Variants in DERA observed in about 807,000 individuals in gnomAD.
DERA encodes 2-deoxy-D-ribose 5-phosphate aldolase.
Under a neutral mutation model 41.1 loss-of-function variants are expected in DERA, and 15 were observed. The ratio of observed to expected loss-of-function variants is 0.37; its 90% CI spans 0.24 to 0.56. The LOEUF (loss-of-function observed/expected upper bound fraction) is 0.56, where lower values mean the gene tolerates loss of function less well. DERA is among the 20% of genes least tolerant of loss of function. The pLI, the probability that DERA is intolerant of heterozygous loss-of-function variation, is 0.81. For synonymous variants in DERA, 139 were observed against 137.4 expected (o/e 1.01, Z -0.08); for missense variants, 396 against 403.4 (o/e 0.98, Z 0.16).
Position 16,004,160 on chromosome 12 carries a change from C to G in DERA, c.637+21724C>G, listed in dbSNP as rs1948894227. On this transcript the variant is annotated intron_variant, in intron 6 of 8. Coordinates refer to ENST00000428559, the MANE Select transcript of DERA (RefSeq NM_015954.4). The surrounding 1 kb of genome is among the most constrained non-coding windows in gnomAD (Gnocchi z 4.2). ...GTTGGAGAATGGCATTACTAAACTGCTCAATTTAATAATTAGAGGTAGAAA... is the reference window on the plus strand; with the variant it reads ...GTTGGAGAATGGCATTACTAAACTGGTCAATTTAATAATTAGAGGTAGAAA... 6.6e-6 allele frequency among the ~76,000 whole-genome samples: 1 copy of G among 152,144 alleles called. No individual in the cohort carries two copies. Among genetic ancestry groups the G allele is most frequent in the Non-Finnish European group, 1.5e-5 (1 of 68,032 alleles).
chr12:16,000,612 G>A lies in DERA; in HGVS notation c.637+18176G>A, dbSNP rs1298305646. On this transcript the variant is annotated intron_variant, in intron 6 of 8. Coordinates refer to ENST00000428559, the MANE Select transcript of DERA (RefSeq NM_015954.4). This position sits in a 1 kb window ranked among gnomAD's most constrained non-coding sequence, Gnocchi z 4.8. ...CCTATGTTACGCGGCTGCTAAATTGGCCAGGGACAACGGAGGAGGAACTGA... is the reference window on the plus strand; with the variant it reads ...CCTATGTTACGCGGCTGCTAAATTGACCAGGGACAACGGAGGAGGAACTGA... 6.6e-6 allele frequency among the ~76,000 whole-genome samples: 1 copy of A among 152,142 alleles called. No homozygotes were observed.
rs923801622 is a variant in DERA at position 16,003,663 on chromosome 12, G to A, written c.637+21227G>A. ...GGGTTGATGTAAGAAAAACAGGTGA[G>A]TTTGCATTTGTTGGGGGAGCGCCAG... is the stretch of plus-strand genomic sequence containing the variant. On this transcript the variant is annotated intron_variant, in intron 6 of 8. Transcript: ENST00000428559. This position sits in a 1 kb window ranked among gnomAD's most constrained non-coding sequence, Gnocchi z 4.8. Among the ~76,000 whole-genome samples, 1 of 152,112 alleles carries A rather than the reference G, an allele frequency of 6.6e-6. No homozygotes were observed. The highest frequency in any genetic ancestry group is 1.5e-5 in the Non-Finnish European group (1 of 68,022).
At position 15,959,751 on chromosome 12, in the gene DERA, G is replaced by A. The variant is rs1948568622; in HGVS notation, c.278-78G>A. 4.2e-6 allele frequency: 4 copies of A among 945,936 alleles called. No homozygotes were observed. Among genetic ancestry groups the A allele is most frequent in the East Asian group, 2.7e-5 (1 of 36,980 alleles). 58.6% of individuals were successfully genotyped at this position (945,936 alleles called of 1,614,324 possible). On this transcript the variant is annotated intron_variant, in intron 3 of 8. Coordinates refer to ENST00000428559, the MANE Select transcript of DERA (RefSeq NM_015954.4). The surrounding 1 kb of genome is among the most constrained non-coding windows in gnomAD (Gnocchi z 4.5). The stretch of plus-strand genomic sequence containing the variant: ...CTCATTTGATTTTTGCCAGTGTTGC[G>A]ATATAAATAATAATTAAAAGCATGT...
rs1342342410 is a variant in DERA at position 15,935,772 on chromosome 12, T to C, written c.32-21164T>C. Among the ~76,000 whole-genome samples the C allele has an allele frequency of 1.3e-5, 2 of 152,204 alleles. No individual in the cohort carries two copies. Among genetic ancestry groups the C allele is most frequent in the African/African-American group, 4.8e-5 (2 of 41,452 alleles). ...TATATTACTCCAAAATTTAGGGGCC[T>C]GAAACAATAAGCATTTATTATCTCA... On this transcript the variant is annotated intron_variant, in intron 1 of 8. Coordinates refer to ENST00000428559, the MANE Select transcript of DERA (RefSeq NM_015954.4). This position sits in a 1 kb window ranked among gnomAD's most constrained non-coding sequence, Gnocchi z 4.8.
rs551381850 is a variant in DERA, at chr12:15,912,181, T to A, written c.31+767T>A. Among the ~76,000 whole-genome samples the A allele has an allele frequency of 1.2e-3, 184 of 152,224 alleles. 2 individuals carry two copies. The highest frequency in any genetic ancestry group is 4.4e-3 in the African/African-American group (183 of 41,518). On this transcript the variant is annotated intron_variant, in intron 1 of 8. Coordinates refer to ENST00000428559, the MANE Select transcript of DERA (RefSeq NM_015954.4). Reference sequence around the variant, plus strand: ...ACCCTGCGGCCTTCCGCAGTGTTTGTGTCCCTGGGTACTTAAGATTAGGGA... The same window carrying A: ...ACCCTGCGGCCTTCCGCAGTGTTTGAGTCCCTGGGTACTTAAGATTAGGGA...
intron 1 of DERA, among the ~76,000 whole-genome samples, chr12:15,927,211 A>C (rs917805383): frequency 4.6e-5 from 7 of 152,196 alleles, no homozygotes; most frequent in African/African-American, 1.7e-4. Flanking sequence ...ATTACTTAGA[A>C]CATGCTAGGC....
At chr12:15,916,611 C>T (rs1338653832) in intron 1 of DERA, among the ~76,000 whole-genome samples, 1 of 151,938 alleles carries the variant, frequency 6.6e-6, no homozygotes, top group Non-Finnish European at 1.5e-5. Flanking sequence ...CCACCATGCC[C>T]AGCTAGTTTT....
rs1948372568 is a variant in DERA, at chr12:15,936,957, TG to T, written c.32-19978del. Among the ~76,000 whole-genome samples, 1 of 143,978 alleles carries T rather than the reference TG, an allele frequency of 6.9e-6. No homozygotes were observed. The highest frequency in any genetic ancestry group is 2.7e-5 in the African/African-American group (1 of 37,022). The allele number at this position is 143,978 out of a possible 152,430, so 94.5% of individuals were successfully genotyped here. A position where few individuals can be genotyped will look rare whatever the true frequency, so the allele number is the denominator to read the frequency against. Reference sequence around the variant, plus strand: ...TGTCTTGTCCTGTCCCGTCCTGTCCTGCCCTGCCCTGCCCTGTCTTGTCTTT... The same window carrying T: ...TGTCTTGTCCTGTCCCGTCCTGTCCTCCCTGCCCTGCCCTGTCTTGTCTTT... On this transcript the variant is annotated intron_variant, in intron 1 of 8. Coordinates refer to ENST00000428559, the MANE Select transcript of DERA (RefSeq NM_015954.4). This position sits in a 1 kb window ranked among gnomAD's most constrained non-coding sequence, Gnocchi z 4.6.
In DERA at chr12:16,020,871, G is replaced by A. The variant is rs184371031; in HGVS notation, c.638-11671G>A. On this transcript the variant is annotated intron_variant, in intron 6 of 8. Transcript: ENST00000428559. The surrounding 1 kb of genome is among the most constrained non-coding windows in gnomAD (Gnocchi z 5.5). ...TTGAATTTAAGGGTGATGAACTAGG[G>A]TATCTGGAGGAAGAAATTTCTAAGC... Among the ~76,000 whole-genome samples the A allele has an allele frequency of 5.1e-4, 77 of 152,278 alleles. No homozygotes were observed. Among genetic ancestry groups the A allele is most frequent in the African/African-American group, 1.7e-3 (72 of 41,558 alleles).
chr12:15,917,296 G>A (rs1223215720), intron 1 of DERA, among the ~76,000 whole-genome samples: 1 of 152,214 alleles, frequency 6.6e-6, no homozygotes, highest in Non-Finnish European at 1.5e-5. Flanking sequence ...CAGGTGGTAA[G>A]AGAATTTAAA....
chr12:16,016,226 A>C (rs1208013204), intron 6 of DERA, among the ~76,000 whole-genome samples: 4 of 152,150 alleles, frequency 2.6e-5, no homozygotes, highest in Admixed American at 1.3e-4. Flanking sequence ...ATATTGCTCC[A>C]AATCAGAGCC....
At chr12:15,925,967 C>A (rs1948279774) in intron 1 of DERA, among the ~76,000 whole-genome samples, 1 of 151,464 alleles carries the variant, frequency 6.6e-6, no homozygotes, top group South Asian at 2.1e-4. Context: ...ATTAGAGGCG[C>A]CCACCATCAC....
In DERA at chr12:16,008,190, C is replaced by T. The variant is rs967167045; in HGVS notation, c.638-24352C>T. ...TTCTTTTTCTCTGTTTCTTCAGCAA[C>T]GTGCAGACACATTGGTGTACAGATG... On this transcript the variant is annotated intron_variant, in intron 6 of 8. Coordinates refer to ENST00000428559, the MANE Select transcript of DERA (RefSeq NM_015954.4). This position sits in a 1 kb window ranked among gnomAD's most constrained non-coding sequence, Gnocchi z 4.8. 2.6e-5 allele frequency among the ~76,000 whole-genome samples: 4 copies of T among 152,212 alleles called. No individual in the cohort carries two copies. The highest frequency in any genetic ancestry group is 7.2e-5 in the African/African-American group (3 of 41,456).
In DERA at chr12:15,994,675, G is replaced by C. The variant is rs373119764; in HGVS notation, c.637+12239G>C. Reference sequence around the variant, plus strand: ...TCACCATGTTAGCCAGCATGGTCTCGATCTCCTGACCTCGCGATCCACCCA... The same window carrying C: ...TCACCATGTTAGCCAGCATGGTCTCCATCTCCTGACCTCGCGATCCACCCA... On this transcript the variant is annotated intron_variant, in intron 6 of 8. Coordinates refer to ENST00000428559, the MANE Select transcript of DERA (RefSeq NM_015954.4). This position sits in a 1 kb window ranked among gnomAD's most constrained non-coding sequence, Gnocchi z 4.8. Among the ~76,000 whole-genome samples the C allele has an allele frequency of 6.6e-6, 1 of 152,044 alleles. No individual in the cohort carries two copies. The highest frequency in any genetic ancestry group is 1.5e-5 in the Non-Finnish European group (1 of 68,008).
chr12:16,001,423 T>C lies in DERA; in HGVS notation c.637+18987T>C, dbSNP rs563357834. Among the ~76,000 whole-genome samples the C allele has an allele frequency of 6.6e-6, 1 of 152,310 alleles. No individual in the cohort carries two copies. Among genetic ancestry groups the C allele is most frequent in the South Asian group, 2.1e-4 (1 of 4,824 alleles). On this transcript the variant is annotated intron_variant, in intron 6 of 8. Transcript: ENST00000428559. The surrounding 1 kb of genome is among the most constrained non-coding windows in gnomAD (Gnocchi z 4.1). Reference sequence around the variant, plus strand: ...TCAGGGCTAGAGTGGAAAAGTTCAGTGTTTTATTCGAGACAATTGACTCAG... The same window carrying C: ...TCAGGGCTAGAGTGGAAAAGTTCAGCGTTTTATTCGAGACAATTGACTCAG...
intron 6 of DERA, among the ~76,000 whole-genome samples, chr12:16,018,201 CTCT>C (rs1948996384): frequency 1.3e-5 from 2 of 152,152 alleles, no homozygotes; most frequent in South Asian, 4.1e-4. Context: ...AGTTTTTAAT[CTCT>C]TCTTGTTTCT....
At chr12:16,034,566 C>A (rs924718426) in intron 7 of DERA, among the ~76,000 whole-genome samples, 1 of 152,174 alleles carries the variant, frequency 6.6e-6, no homozygotes, top group African/African-American at 2.4e-5. Flanking sequence ...AAATCAGGTG[C>A]AGCCTTTCGG....
At position 15,915,192 on chromosome 12, in the gene DERA, T is replaced by A; in HGVS notation, c.31+3778T>A. 6.6e-6 allele frequency among the ~76,000 whole-genome samples: 1 copy of A among 152,208 alleles called. No homozygotes were observed. Among genetic ancestry groups the A allele is most frequent in the South Asian group, 2.1e-4 (1 of 4,830 alleles). On this transcript the variant is annotated intron_variant, in intron 1 of 8. Coordinates refer to ENST00000428559, the MANE Select transcript of DERA (RefSeq NM_015954.4). This position sits in a 1 kb window ranked among gnomAD's most constrained non-coding sequence, Gnocchi z 4.8. ...TAAATGCAAGTGTGATGTGCAATTA[T>A]TTTTCATTTATTTTTGTCTAAAATT... is the stretch of plus-strand genomic sequence containing the variant.
rs1948790318 is a variant in DERA, at chr12:15,989,956, C to T, written c.637+7520C>T. Among the ~76,000 whole-genome samples the T allele has an allele frequency of 6.6e-6, 1 of 152,168 alleles. No individual in the cohort carries two copies. The highest frequency in any genetic ancestry group is 1.5e-5 in the Non-Finnish European group (1 of 68,032). ...GGAACACAGTCAGAAGACCAGAACT[C>T]TTGTTCTGTCTTGCATATTTTGTGA... On this transcript the variant is annotated intron_variant, in intron 6 of 8. Coordinates refer to ENST00000428559, the MANE Select transcript of DERA (RefSeq NM_015954.4). This position sits in a 1 kb window ranked among gnomAD's most constrained non-coding sequence, Gnocchi z 5.2.
Sources: allele counts gnomAD v4.1 joint callset (sites outside exome capture counted in the v4.1 genomes callset), GRCh38; gene constraint gnomAD v4.1.1; non-coding constraint Gnocchi (gnomAD v3.1); transcripts MANE v1.5; gene names NCBI Gene and HGNC (gene_info 2026-07-23, HGNC 2026-07-21).